SMURF2: variants seen among roughly 807,000 people sequenced by gnomAD.
SMURF2 encodes SMAD specific E3 ubiquitin protein ligase 2.
A neutral mutation model predicts 109.6 loss-of-function variants in SMURF2; 48 were observed. The observed-to-expected ratio is 0.44, with a 90% confidence interval of 0.35 to 0.56. SMURF2 has a LOEUF of 0.56. Ranked by LOEUF, SMURF2 falls within the 20% of genes least tolerant of loss-of-function variation. The pLI, the probability that SMURF2 is intolerant of heterozygous loss-of-function variation, is 0.01. For missense variants in SMURF2, 575 were observed against 909.0 expected (o/e 0.63, Z 4.72); for synonymous variants, 288 against 317.1 (o/e 0.91, Z 0.97).
At chr17:64,609,390 A>G (rs1419718750) in intron 1 of SMURF2, among the ~76,000 whole-genome samples, 1 of 152,236 alleles carries the variant, frequency 6.6e-6, no homozygotes, top group Non-Finnish European at 1.5e-5. Flanking sequence ...GGTTACAGTA[A>G]CAAAAACAGC....
At chr17:64,646,396 TA>T (rs1555692977) in intron 1 of SMURF2, among the ~76,000 whole-genome samples, 3 of 136,590 alleles carry the variant, frequency 2.2e-5, no homozygotes, top group Admixed American at 7.7e-5. Context: ...TTTTTTTTTT[TA>T]AATTGAGACA....
At chr17:64,590,732 A>T (rs1555687634) in intron 5 of SMURF2, among the ~76,000 whole-genome samples, 1 of 152,202 alleles carries the variant, frequency 6.6e-6, no homozygotes, top group East Asian at 1.9e-4. Flanking sequence ...CATTAAAACA[A>T]GTTCAATAGA....
intron 11 of SMURF2, among the ~76,000 whole-genome samples, chr17:64,562,401 C>T (rs1437974084): frequency 3.7e-5 from 5 of 135,168 alleles, no homozygotes; most frequent in African/African-American, 8.3e-5. Flanking sequence ...TTTTTTGAGA[C>T]GGAGTTTCGT....
At chr17:64,602,344 A>C (rs1298469823) in intron 2 of SMURF2, among the ~76,000 whole-genome samples, 2 of 152,170 alleles carry the variant, frequency 1.3e-5, no homozygotes, top group Non-Finnish European at 2.9e-5. Context: ...TAAAATAATA[A>C]AAGAAAAACA....
chr17:64,570,557 G>T (rs1414530319), intron 10 of SMURF2, among the ~76,000 whole-genome samples: 2 of 152,174 alleles, frequency 1.3e-5, no homozygotes, highest in Admixed American at 6.5e-5. Context: ...GAGGCAGCTA[G>T]AGAGAAAAGA....
intron 1 of SMURF2, among the ~76,000 whole-genome samples, chr17:64,621,367 G>A (rs1970198873): frequency 6.6e-6 from 1 of 151,038 alleles, no homozygotes; most frequent in South Asian, 2.1e-4. Flanking sequence ...ATCACCTGAG[G>A]TCAGGAGTTT....
intron 5 of SMURF2, among the ~76,000 whole-genome samples, chr17:64,586,981 T>C (rs9915146): frequency 0.031 from 4,735 of 151,634 alleles, 255 homozygotes; most frequent in African/African-American, 0.11. Flanking sequence ...CTGGCAAACA[T>C]GGTGAAACCC....
At chr17:64,621,650 T>C (rs1453623207) in intron 1 of SMURF2, among the ~76,000 whole-genome samples, 2 of 150,264 alleles carry the variant, frequency 1.3e-5, no homozygotes, top group Non-Finnish European at 3.0e-5. Context: ...CCGAGGTGGG[T>C]GGATCACAAT....
intron 2 of SMURF2, among the ~76,000 whole-genome samples, chr17:64,601,598 T>C (rs1398471697): frequency 3.3e-5 from 5 of 152,134 alleles, no homozygotes; most frequent in Admixed American, 6.5e-5. Context: ...ACACGGCTGG[T>C]AGTAATGTAA....
At chr17:64,636,795 A>C (rs1970422837) in intron 1 of SMURF2, among the ~76,000 whole-genome samples, 3 of 151,772 alleles carry the variant, frequency 2.0e-5, no homozygotes, top group African/African-American at 7.3e-5. Context: ...AGAAAAAAAA[A>C]AAAAGAGTTC....
chr17:64,647,127 T>A (rs1157228380), intron 1 of SMURF2, among the ~76,000 whole-genome samples: 1 of 152,168 alleles, frequency 6.6e-6, no homozygotes, highest in Non-Finnish European at 1.5e-5. Context: ...AGAGCCTACA[T>A]CTCAGTGTTA....
intron 2 of SMURF2, among the ~76,000 whole-genome samples, chr17:64,602,772 C>A (rs1291969485): frequency 3.3e-5 from 5 of 151,970 alleles, no homozygotes; most frequent in Admixed American, 2.0e-4. Flanking sequence ...ACTAAAAATA[C>A]AAAAAATTAG....
At chr17:64,656,400 A>C (rs1970705486) in intron 1 of SMURF2, among the ~76,000 whole-genome samples, 1 of 152,240 alleles carries the variant, frequency 6.6e-6, no homozygotes, top group African/African-American at 2.4e-5. Flanking sequence ...GAAAATAAAT[A>C]TCATTAGTAA....
At chr17:64,584,901 A>G (rs1555686948) in intron 6 of SMURF2, among the ~76,000 whole-genome samples, 1 of 152,162 alleles carries the variant, frequency 6.6e-6, no homozygotes, top group Admixed American at 6.5e-5. Context: ...CTCAATATTG[A>G]TTAGTTATTT....
At chr17:64,626,412 G>A (rs1359413465) in intron 1 of SMURF2, among the ~76,000 whole-genome samples, 1 of 152,042 alleles carries the variant, frequency 6.6e-6, no homozygotes, top group Non-Finnish European at 1.5e-5. Context: ...TTTTTAAGAA[G>A]CACAGGCTAT....
intron 1 of SMURF2, among the ~76,000 whole-genome samples, chr17:64,638,081 T>C (rs1970446568): frequency 6.9e-6 from 1 of 145,640 alleles, no homozygotes; most frequent in African/African-American, 2.6e-5. Flanking sequence ...TTTTTTTTTT[T>C]TGACAGAGTC....
At chr17:64,605,107 G>A (rs1555688914) in intron 2 of SMURF2, among the ~76,000 whole-genome samples, 2 of 151,904 alleles carry the variant, frequency 1.3e-5, no homozygotes, top group African/African-American at 4.8e-5. Context: ...ACAGGGATGA[G>A]GTAGGAAGTG....
At chr17:64,570,269 T>A (rs1427471287) in intron 10 of SMURF2, among the ~76,000 whole-genome samples, 1 of 152,218 alleles carries the variant, frequency 6.6e-6, no homozygotes, top group Non-Finnish European at 1.5e-5. Context: ...TTAACATACA[T>A]AAGAACTTTA....
intron 15 of SMURF2, 31 bp from the exon 16 acceptor site, chr17:64,551,735 C>T: frequency 6.2e-7 from 1 of 1,610,844 alleles, no homozygotes; most frequent in Non-Finnish European, 8.5e-7. Flanking sequence ...TTCGTATAAT[C>T]ACATGTATTT....
Sources: gnomAD v4.1 joint callset for allele counts (sites outside exome capture counted in the v4.1 genomes callset) on GRCh38, gnomAD v4.1.1 for gene constraint, MANE v1.5 for transcripts, NCBI Gene and HGNC (gene_info 2026-07-23, HGNC 2026-07-21) for gene names.